ARID5B: variants seen among roughly 807,000 people sequenced by gnomAD.
The protein encoded by ARID5B is AT-rich interaction domain 5B.
In ARID5B, 13 loss-of-function variants were observed where a neutral mutation model predicts 97.2. The ratio of observed to expected loss-of-function variants is 0.13; its 90% CI spans 0.09 to 0.21. ARID5B has a LOEUF of 0.21. Ranked by LOEUF, ARID5B falls within the 10% of genes least tolerant of loss-of-function variation. ARID5B has a pLI of 1.00. For missense variants in ARID5B, 1,210 were observed against 1,465.3 expected (o/e 0.83, Z 2.84); for synonymous variants, 556 against 570.3 (o/e 0.97, Z 0.36).
chr10:62,019,728 G>A (rs898527945), intron 4 of ARID5B, among the ~76,000 whole-genome samples: 9 of 152,126 alleles, frequency 5.9e-5, no homozygotes, highest in South Asian at 2.1e-4. Context: ...GAGTTCATTC[G>A]AAGGTGTCCC....
chr10:61,975,752 T>C (rs958033707), intron 3 of ARID5B, among the ~76,000 whole-genome samples: 1 of 151,970 alleles, frequency 6.6e-6, no homozygotes, highest in Non-Finnish European at 1.5e-5. Context: ...TGTCTATTAA[T>C]ATTGAGAATA....
At chr10:62,022,134 T>C (rs1839364496) in intron 4 of ARID5B, among the ~76,000 whole-genome samples, 1 of 152,180 alleles carries the variant, frequency 6.6e-6, no homozygotes, top group African/African-American at 2.4e-5. Context: ...AGTTTGCCCA[T>C]ATAGTCCAGT....
intron 3 of ARID5B, among the ~76,000 whole-genome samples, chr10:61,942,158 A>G (rs1362171414): frequency 6.6e-6 from 1 of 152,168 alleles, no homozygotes. Context: ...TTATGTTTAA[A>G]ATTGTGTTTA....
chr10:61,932,816 G>A (rs747395114), intron 2 of ARID5B, among the ~76,000 whole-genome samples: 4 of 152,086 alleles, frequency 2.6e-5, no homozygotes, highest in African/African-American at 4.8e-5. Flanking sequence ...TGAACTTTTT[G>A]TGGTCATTTC....
intron 3 of ARID5B, among the ~76,000 whole-genome samples, chr10:61,963,710 T>C (rs559052404): frequency 7.9e-5 from 12 of 152,138 alleles, no homozygotes; most frequent in African/African-American, 2.9e-4. Flanking sequence ...GAGAACTGCT[T>C]GGTGCATTCT....
chr10:61,959,862 TTG>T (rs1838445422), intron 3 of ARID5B, among the ~76,000 whole-genome samples: 2 of 152,126 alleles, frequency 1.3e-5, no homozygotes, highest in Non-Finnish European at 2.9e-5. Flanking sequence ...ATGGATGACT[TTG>T]AGAATCCAAA....
intron 9 of ARID5B, among the ~76,000 whole-genome samples, chr10:62,087,320 G>GAAAAAAAAAAAAAAAAAAAAA (rs1589292422): frequency 3.9e-5 from 3 of 76,024 alleles, no homozygotes; most frequent in East Asian, 3.3e-4. Context: ...AAAAAAAAAG[G>GAAAAAAAAAAAAAAAAAAAAA]AAAAAAGATC....
chr10:61,937,419 G>T lies in ARID5B; in HGVS notation c.277-2764G>T, dbSNP rs570137935. ...TGACTTAGAGGATTTATGATTAAATGAGCTGTTTTTGGACAATGGTAGAAA... is the reference window on the plus strand; with the variant it reads ...TGACTTAGAGGATTTATGATTAAATTAGCTGTTTTTGGACAATGGTAGAAA... On this transcript the variant is annotated intron_variant, in intron 2 of 9. Coordinates refer to ENST00000279873, the MANE Select transcript of ARID5B (RefSeq NM_032199.3). 5.9e-5 allele frequency among the ~76,000 whole-genome samples: 9 copies of T among 152,246 alleles called. No individual in the cohort carries two copies. In the South Asian group the frequency reaches 1.7e-3, roughly 28 times the overall value.
Position 62,094,812 on chromosome 10 carries a change from GT to G in ARID5B, c.*1784del, listed in dbSNP as rs1161827101. On this transcript the variant is annotated 3_prime_UTR_variant, in exon 10 of 10. Transcript: ENST00000279873. Reference sequence around the variant, plus strand: ...ACTACCAGTAGACTTTAGAACCATAGTTAACTAAGTCTTTTACCTCTGAGAT... The same window carrying G: ...ACTACCAGTAGACTTTAGAACCATAGTAACTAAGTCTTTTACCTCTGAGAT... 1 of 231,228 alleles carries G rather than the reference GT, an allele frequency of 4.3e-6. No homozygotes were observed. The highest frequency in any genetic ancestry group is 8.6e-6 in the Non-Finnish European group (1 of 116,826). The allele number at this position is 231,228 out of a possible 1,614,324, so 14.3% of individuals were successfully genotyped here. A position where few individuals can be genotyped will look rare whatever the true frequency, so the allele number is the denominator to read the frequency against.
chr10:62,089,356 G>A (rs1840335955), intron 9 of ARID5B, among the ~76,000 whole-genome samples: 1 of 151,690 alleles, frequency 6.6e-6, no homozygotes, highest in African/African-American at 2.4e-5. Flanking sequence ...AAAAATACCT[G>A]TGAAATAGGT....
intron 4 of ARID5B, chr10:62,049,547 G>C: frequency 6.5e-7 from 1 of 1,548,986 alleles, no homozygotes; most frequent in Non-Finnish European, 8.7e-7. Flanking sequence ...GGTAATTCCA[G>C]GCTGGCTTTC....
chr10:61,967,505 CT>C (rs1261818077), intron 3 of ARID5B, among the ~76,000 whole-genome samples: 1 of 152,206 alleles, frequency 6.6e-6, no homozygotes, highest in Non-Finnish European at 1.5e-5. Context: ...CACATCGAAC[CT>C]GGCTGGCGAT....
At chr10:61,909,419 G>A (rs1589214562) in intron 2 of ARID5B, among the ~76,000 whole-genome samples, 2 of 136,232 alleles carry the variant, frequency 1.5e-5, no homozygotes, top group African/African-American at 2.7e-5. Flanking sequence ...TCCGCCTCCC[G>A]GGTTCACGCC....
intron 5 of ARID5B, among the ~76,000 whole-genome samples, chr10:62,056,451 A>G (rs1839858082): frequency 6.6e-6 from 1 of 152,140 alleles, no homozygotes; most frequent in South Asian, 2.1e-4. Flanking sequence ...CCTTGCTGGT[A>G]TTGCTGATGC....
chr10:62,024,645 T>A (rs942549359), intron 4 of ARID5B: 14 of 395,106 alleles, frequency 3.5e-5, no homozygotes, highest in Middle Eastern at 6.3e-4. Flanking sequence ...TTGACAAAAT[T>A]ATATTTTCTG....
rs73272180 is a variant in ARID5B at position 61,924,673 on chromosome 10, G to A, written c.277-15510G>A. On this transcript the variant is annotated intron_variant, in intron 2 of 9. Transcript: ENST00000279873. ...CTACAGAAAACAGGAAGATTTACTC[G>A]GTTTGTACATTAAAGTGTCCTAAAT... 3.2e-3 allele frequency among the ~76,000 whole-genome samples: 493 copies of A among 152,248 alleles called. 1 individual carries two copies. Among genetic ancestry groups the A allele is most frequent in the African/African-American group, 0.011 (457 of 41,536 alleles).
intron 3 of ARID5B, among the ~76,000 whole-genome samples, chr10:61,953,424 G>A (rs763854134): frequency 3.9e-5 from 6 of 152,090 alleles, no homozygotes; most frequent in African/African-American, 1.2e-4. Context: ...CTTTTCACAT[G>A]TGCGGCCTGT....
chr10:62,069,282 C>G lies in ARID5B; in HGVS notation c.1102-418C>G, dbSNP rs191209864. On this transcript the variant is annotated intron_variant, in intron 7 of 9. Transcript: ENST00000279873. ...TTTTTTACCTCTATACCCGGTTCCCCATTTCCACATGCCTCAGGCAATGTT... is the reference window on the plus strand; with the variant it reads ...TTTTTTACCTCTATACCCGGTTCCCGATTTCCACATGCCTCAGGCAATGTT... 2.6e-5 allele frequency among the ~76,000 whole-genome samples: 4 copies of G among 152,322 alleles called. No individual in the cohort carries two copies. The East Asian group carries it at 5.8e-4, about 22-fold the overall frequency.
intron 3 of ARID5B, among the ~76,000 whole-genome samples, chr10:61,969,662 G>C (rs914269349): frequency 2.0e-5 from 3 of 152,102 alleles, no homozygotes; most frequent in Non-Finnish European, 4.4e-5. Flanking sequence ...CTCTAGACCT[G>C]CCATGAGTGT....
Sources: allele counts gnomAD v4.1 joint callset (sites outside exome capture counted in the v4.1 genomes callset), GRCh38; gene constraint gnomAD v4.1.1; transcripts MANE v1.5; gene names NCBI Gene and HGNC (gene_info 2026-07-23, HGNC 2026-07-21).